The following LUZP2 variants were observed in gnomAD, a reference collection of about 807,000 sequenced individuals.
The protein encoded by LUZP2 is leucine zipper protein 2.
A neutral mutation model predicts 51.6 loss-of-function variants in LUZP2; 52 were observed. The observed-to-expected ratio is 1.01, with a 90% CI of 0.81 to 1.27. The LOEUF is 1.27. Ranked by LOEUF, LUZP2 falls within the 50% of genes most tolerant of loss-of-function variation. The pLI, the probability that LUZP2 is intolerant of heterozygous loss-of-function variation, is 0.00. For missense variants in LUZP2, 436 were observed against 395.4 expected (o/e 1.10, Z -0.87); for synonymous variants, 154 against 137.3 (o/e 1.12, Z -0.85).
rs924670820 is a variant in LUZP2 at position 25,081,302 on chromosome 11, G to T, written c.*2644G>T. The stretch of plus-strand genomic sequence containing the variant: ...ACCTGCCTCAGTCTCCTCCCAAAAT[G>T]CTGGGATTACAGGTGTGAGCCACCG... On this transcript the variant is annotated 3_prime_UTR_variant, in exon 12 of 12. Transcript: ENST00000336930. The T allele has an allele frequency of 1.3e-5, 2 of 151,962 alleles. No homozygotes were observed. Among genetic ancestry groups the T allele is most frequent in the African/African-American group, 4.8e-5 (2 of 41,356 alleles). The allele number at this position is 151,962 out of a possible 1,614,324, so 9.4% of individuals were successfully genotyped here.
intron 1 of LUZP2, among the ~76,000 whole-genome samples, chr11:24,630,725 A>G (rs58180330): frequency 2.5e-3 from 383 of 150,344 alleles, no homozygotes; most frequent in African/African-American, 8.9e-3. Flanking sequence ...ATTTCTAAAA[A>G]TTCCATGAAA....
intron 1 of LUZP2, among the ~76,000 whole-genome samples, chr11:24,602,068 A>G (rs1325895906): frequency 1.7e-5 from 2 of 120,202 alleles, no homozygotes; most frequent in African/African-American, 7.1e-5. Flanking sequence ...ATGTGTATAT[A>G]TATGCGTATA....
At chr11:25,025,112 G>T (rs1300358364) in intron 9 of LUZP2, among the ~76,000 whole-genome samples, 1 of 152,110 alleles carries the variant, frequency 6.6e-6, no homozygotes, top group Non-Finnish European at 1.5e-5. Flanking sequence ...GGTGAAATTG[G>T]ATCCCTTCCT....
At chr11:24,668,168 G>A (rs1856279042) in intron 1 of LUZP2, among the ~76,000 whole-genome samples, 1 of 152,198 alleles carries the variant, frequency 6.6e-6, no homozygotes, top group Non-Finnish European at 1.5e-5. Context: ...AATTATTACA[G>A]AAAAAGTGTG....
chr11:24,500,102 C>A (rs982668846), intron 1 of LUZP2, among the ~76,000 whole-genome samples: 1 of 152,056 alleles, frequency 6.6e-6, no homozygotes, highest in African/African-American at 2.4e-5. Context: ...AGCACAAAAT[C>A]CCATAATTTA....
intron 1 of LUZP2, among the ~76,000 whole-genome samples, chr11:24,617,969 C>T (rs2133899961): frequency 6.6e-6 from 1 of 152,254 alleles, no homozygotes; most frequent in East Asian, 1.9e-4. Context: ...TGATACTACT[C>T]TGGCAGGGTA....
At chr11:24,572,238 CTG>C (rs1040082020) in intron 1 of LUZP2, among the ~76,000 whole-genome samples, 17 of 151,934 alleles carry the variant, frequency 1.1e-4, no homozygotes, top group African/African-American at 4.1e-4. Context: ...TTTTAGAACA[CTG>C]TAAAAATTTA....
In LUZP2 at chr11:25,049,789, C is replaced by G. The variant is rs559450905; in HGVS notation, c.766-249C>G. On this transcript the variant is annotated intron_variant, in intron 9 of 11. Transcript: ENST00000336930. ...TAAATATTTTCAGTAAGAAAATAATCCCAATGGACATCACTAATGCAAAAT... is the reference window on the plus strand; with the variant it reads ...TAAATATTTTCAGTAAGAAAATAATGCCAATGGACATCACTAATGCAAAAT... Among the ~76,000 whole-genome samples the G allele has an allele frequency of 1.5e-3, 229 of 151,908 alleles. 1 individual carries two copies. The highest frequency in any genetic ancestry group is 1.7e-3 in the Non-Finnish European group (116 of 67,960).
At chr11:24,970,931 TG>T (rs1855720928) in intron 7 of LUZP2, among the ~76,000 whole-genome samples, 1 of 152,192 alleles carries the variant, frequency 6.6e-6, no homozygotes, top group South Asian at 2.1e-4. Flanking sequence ...ACATTAAGAA[TG>T]TGGTACATAT....
intron 5 of LUZP2, among the ~76,000 whole-genome samples, chr11:24,778,105 T>A (rs1366584427): frequency 6.6e-6 from 1 of 151,936 alleles, no homozygotes; most frequent in East Asian, 1.9e-4. Flanking sequence ...ATTTTCTAAA[T>A]CAAACGTATA....
chr11:24,814,946 C>G (rs184448313), intron 5 of LUZP2, among the ~76,000 whole-genome samples: 1 of 146,836 alleles, frequency 6.8e-6, no homozygotes, highest in Non-Finnish European at 1.5e-5. Flanking sequence ...GAGCTGAGAT[C>G]GCACCAATGC....
At chr11:24,740,159 ATTGT>A (rs1476037163) in intron 4 of LUZP2, among the ~76,000 whole-genome samples, 4 of 152,230 alleles carry the variant, frequency 2.6e-5, no homozygotes, top group African/African-American at 7.2e-5. Flanking sequence ...ATAAAACTAC[ATTGT>A]TTGTTTCTTT....
chr11:24,973,955 G>T (rs1458493326), intron 7 of LUZP2, among the ~76,000 whole-genome samples: 1 of 152,034 alleles, frequency 6.6e-6, no homozygotes, highest in Non-Finnish European at 1.5e-5. Context: ...AGCTCTGCTT[G>T]ATCCAGAGCT....
intron 1 of LUZP2, among the ~76,000 whole-genome samples, chr11:24,651,024 G>A (rs866266477): frequency 6.6e-6 from 1 of 151,974 alleles, no homozygotes; most frequent in Non-Finnish European, 1.5e-5. Flanking sequence ...ATACACCAGG[G>A]CCATTACACC....
intron 1 of LUZP2, among the ~76,000 whole-genome samples, chr11:24,598,659 T>C (rs1446002610): frequency 6.6e-6 from 1 of 152,066 alleles, no homozygotes; most frequent in Non-Finnish European, 1.5e-5. Flanking sequence ...AAAAGAGATA[T>C]TATTAATAAA....
At chr11:24,897,384 G>A (rs77507211) in intron 5 of LUZP2, among the ~76,000 whole-genome samples, 1 of 152,122 alleles carries the variant, frequency 6.6e-6, no homozygotes, top group Non-Finnish European at 1.5e-5. Flanking sequence ...CTTTCTTTGG[G>A]TCTGCGTTGT....
At chr11:24,590,617 G>A (rs913525027) in intron 1 of LUZP2, among the ~76,000 whole-genome samples, 10 of 152,054 alleles carry the variant, frequency 6.6e-5, no homozygotes, top group Non-Finnish European at 1.5e-5. Flanking sequence ...TTTATAAAAT[G>A]CCACTTAAAG....
rs1050977969 is a variant in LUZP2, at chr11:25,029,182, G to A, written c.766-20856G>A. Among the ~76,000 whole-genome samples the A allele has an allele frequency of 2.0e-5, 3 of 152,192 alleles. No homozygotes were observed. The East Asian group carries it at 5.8e-4, about 29-fold the overall frequency. ...ACCTACTATTTGATAGCACAAGAGGGTGACTATACTCAATAATAACTTAAC... is the reference window on the plus strand; with the variant it reads ...ACCTACTATTTGATAGCACAAGAGGATGACTATACTCAATAATAACTTAAC... On this transcript the variant is annotated intron_variant, in intron 9 of 11. Transcript: ENST00000336930.
intron 1 of LUZP2, among the ~76,000 whole-genome samples, chr11:24,698,055 A>C (rs1404041417): frequency 6.6e-6 from 1 of 152,248 alleles, no homozygotes; most frequent in East Asian, 1.9e-4. Flanking sequence ...TCCTTAAAAA[A>C]TCCTAGCCTC....
Sources: allele counts gnomAD v4.1 joint callset (sites outside exome capture counted in the v4.1 genomes callset), GRCh38; gene constraint gnomAD v4.1.1; transcripts MANE v1.5; gene names NCBI Gene and HGNC (gene_info 2026-07-23, HGNC 2026-07-21).